OSBPL11: variants seen among roughly 807,000 people sequenced by gnomAD.
The protein encoded by OSBPL11 is oxysterol binding protein like 11.
In OSBPL11, 33 loss-of-function variants were observed where a neutral mutation model predicts 84.4. That is an observed-to-expected ratio of 0.39 (90% confidence interval 0.30 to 0.52). OSBPL11 has a LOEUF of 0.52. Among genes scored for constraint, OSBPL11 ranks in the 20% least tolerant of loss-of-function variants. The pLI, the probability that OSBPL11 is intolerant of heterozygous loss-of-function variation, is 0.72. For missense variants in OSBPL11, 736 were observed against 901.1 expected (o/e 0.82, Z 2.35); for synonymous variants, 276 against 310.2 (o/e 0.89, Z 1.16).
chr3:125,592,309 G>T (rs1474118457), intron 1 of OSBPL11, among the ~76,000 whole-genome samples: 1 of 152,038 alleles, frequency 6.6e-6, no homozygotes, highest in Non-Finnish European at 1.5e-5. Context: ...AAAGTGCTAA[G>T]GATCAACACT....
intron 5 of OSBPL11, among the ~76,000 whole-genome samples, chr3:125,575,378 A>G (rs1345417709): frequency 1.3e-5 from 2 of 151,986 alleles, no homozygotes; most frequent in Admixed American, 6.6e-5. Context: ...AGTTATATAT[A>G]TAAAAGTTTT....
chr3:125,538,640 G>A lies in OSBPL11; in HGVS notation c.1842-7C>T. On this transcript the variant is annotated splice_polypyrimidine_tract_variant and splice_region_variant and intron_variant, in intron 10 of 12. Coordinates refer to ENST00000296220, the MANE Select transcript of OSBPL11 (RefSeq NM_022776.5). The stretch of plus-strand genomic sequence containing the variant: ...CTTTACTTCAGCTGTAACCCTAGAA[G>A]CAGACAGAAAAGAAAGATATGCTCT... The A allele has an allele frequency of 1.3e-6, 2 of 1,593,436 alleles. No homozygotes were observed. Among genetic ancestry groups the A allele is most frequent in the Non-Finnish European group, 1.7e-6 (2 of 1,170,634 alleles).
At chr3:125,561,339 C>G (rs907073309) in intron 7 of OSBPL11, among the ~76,000 whole-genome samples, 11 of 152,194 alleles carry the variant, frequency 7.2e-5, no homozygotes, top group Admixed American at 5.9e-4. Flanking sequence ...ACATAACCTC[C>G]TCTCTTGTAA....
rs150400222 is a variant in OSBPL11, at chr3:125,573,018, T to C, written c.666+3171A>G. Among the ~76,000 whole-genome samples the C allele has an allele frequency of 3.1e-3, 465 of 149,220 alleles. 7 individuals are homozygous for C. In the South Asian group the frequency reaches 0.037, roughly 12 times the overall value. Reference sequence around the variant, plus strand: ...ATATATATAGTATATATAGTGTGTGTGTGTGTGTATATATATATAACTTGC... The same window carrying C: ...ATATATATAGTATATATAGTGTGTGCGTGTGTGTATATATATATAACTTGC... On this transcript the variant is annotated intron_variant, in intron 5 of 12. Transcript: ENST00000296220.
At chr3:125,543,720 G>A (rs1446110805) in intron 10 of OSBPL11, among the ~76,000 whole-genome samples, 1 of 151,970 alleles carries the variant, frequency 6.6e-6, no homozygotes, top group Non-Finnish European at 1.5e-5. Context: ...GGCCAACATG[G>A]CGAAACCCCG....
At chr3:125,579,573 A>C (rs182985849) in intron 3 of OSBPL11, among the ~76,000 whole-genome samples, 129 of 152,358 alleles carry the variant, frequency 8.5e-4, no homozygotes, top group African/African-American at 2.9e-3. Flanking sequence ...TGAAATACAT[A>C]AAAAATATCA....
chr3:125,557,707 A>G (rs1487523395), intron 8 of OSBPL11, among the ~76,000 whole-genome samples: 1 of 151,054 alleles, frequency 6.6e-6, no homozygotes, highest in Non-Finnish European at 1.5e-5. Flanking sequence ...CCTGAAAAGT[A>G]TCATTCCATT....
chr3:125,530,909 C>G (rs1340798884), intron 12 of OSBPL11, among the ~76,000 whole-genome samples: 2 of 152,064 alleles, frequency 1.3e-5, no homozygotes, highest in African/African-American at 2.4e-5. Flanking sequence ...AGGTGGAGTA[C>G]AGAGAAATGA....
intron 11 of OSBPL11, among the ~76,000 whole-genome samples, chr3:125,535,937 A>T (rs1009354542): frequency 1.3e-5 from 2 of 150,788 alleles, no homozygotes; most frequent in African/African-American, 4.9e-5. Flanking sequence ...GTTCAAGACC[A>T]GCCTGACCAA....
rs1386554097 is a variant in OSBPL11 at position 125,594,616 on chromosome 3, AT to A, written c.164+20del. Reference sequence around the variant, plus strand: ...ACCCCTACCTCCACCTCGGGAAATAATTTTGGAGAAAGGAGCATACCTGTAC... The same window carrying A: ...ACCCCTACCTCCACCTCGGGAAATAATTTGGAGAAAGGAGCATACCTGTAC... On this transcript the variant is annotated intron_variant, in intron 1 of 12. Coordinates refer to ENST00000296220, the MANE Select transcript of OSBPL11 (RefSeq NM_022776.5). The A allele has an allele frequency of 6.2e-7, 1 of 1,605,966 alleles. No homozygotes were observed. The highest frequency in any genetic ancestry group is 1.1e-5 in the South Asian group (1 of 90,778).
At chr3:125,547,701 T>C (rs745562644) in intron 9 of OSBPL11, 109 bp from the exon 10 acceptor site, 12 of 815,582 alleles carry the variant, frequency 1.5e-5, no homozygotes, top group Non-Finnish European at 2.2e-5. Flanking sequence ...TTATTTTTCC[T>C]AACCTTCATT....
At chr3:125,585,570 C>T (rs545083671) in intron 1 of OSBPL11, among the ~76,000 whole-genome samples, 59 of 150,330 alleles carry the variant, frequency 3.9e-4, no homozygotes, top group Non-Finnish European at 7.7e-4. Context: ...AGGATATTGA[C>T]ATGGTTTATT....
chr3:125,544,668 G>A (rs1176743720), intron 10 of OSBPL11, among the ~76,000 whole-genome samples: 1 of 152,148 alleles, frequency 6.6e-6, no homozygotes, highest in East Asian at 1.9e-4. Context: ...CCTAGGATTT[G>A]AGCAGATCAG....
At chr3:125,590,324 T>G (rs1936577995) in intron 1 of OSBPL11, among the ~76,000 whole-genome samples, 1 of 152,094 alleles carries the variant, frequency 6.6e-6, no homozygotes, top group African/African-American at 2.4e-5. Flanking sequence ...CCGAAGTGGG[T>G]GGATCACTTG....
At chr3:125,570,525 T>A (rs1936228633) in intron 5 of OSBPL11, among the ~76,000 whole-genome samples, 1 of 152,008 alleles carries the variant, frequency 6.6e-6, no homozygotes, top group African/African-American at 2.4e-5. Flanking sequence ...ACATATATGA[T>A]ATGGTTTGGC....
rs1186967769 is a variant in OSBPL11 at position 125,538,587 on chromosome 3, T to C, written c.1888A>G (p.Arg630Gly). The stretch of plus-strand genomic sequence containing the variant: ...ACACTATTCCATTCCCCTTGCACTC[T>C]GCATACCACAGTGTTGGTGATGTTG... ...KHNITNTVVC[R>G]VQGEWNSVLE... Residue 630 changes from arginine (R) to glycine (G), a missense_variant, in exon 11 of 13, where the codon AGA becomes GGA. Arg to Gly is a moderately radical substitution (Grantham distance 125). Coordinates refer to ENST00000296220, the MANE Select transcript of OSBPL11 (RefSeq NM_022776.5). 2.5e-6 allele frequency: 4 copies of C among 1,613,588 alleles called. No homozygotes were observed. The Admixed American group carries it at 6.7e-5, about 27-fold the overall frequency.
At chr3:125,563,553 A>G (rs1008737896) in intron 7 of OSBPL11, 145 bp downstream of exon 7, 3 of 748,862 alleles carry the variant, frequency 4.0e-6, no homozygotes, top group East Asian at 5.6e-5. Flanking sequence ...TTCAAAAACA[A>G]TGCAGTTTAA....
rs1363456447 is a variant in OSBPL11, at chr3:125,552,611, A to G, written c.1224T>C (p.His408=). ...LLEMYADFMS[H]PDLFIAITNG... ...TAGTGATGGCTATAAATAGGTCTGG[A>G]TGAGACATAAAGTCTGCATACATTT... Residue 408 remains histidine, a synonymous_variant, in exon 9 of 13, where the codon CAT becomes CAC. Coordinates refer to ENST00000296220, the MANE Select transcript of OSBPL11 (RefSeq NM_022776.5). 6.2e-7 allele frequency: 1 copy of G among 1,614,146 alleles called. No homozygotes were observed. Among genetic ancestry groups the G allele is most frequent in the Admixed American group, 1.7e-5 (1 of 60,020 alleles).
At chr3:125,567,339 T>A in intron 6 of OSBPL11, 55 bp downstream of exon 6, 1 of 1,411,000 alleles carries the variant, frequency 7.1e-7, no homozygotes, top group South Asian at 1.2e-5. Context: ...ACAAATACAG[T>A]CCTTTCCATG....
Sources: gnomAD v4.1 joint callset for allele counts (sites outside exome capture counted in the v4.1 genomes callset) on GRCh38, gnomAD v4.1.1 for gene constraint, MANE v1.5 for transcripts, NCBI Gene and HGNC (gene_info 2026-07-23, HGNC 2026-07-21) for gene names.